Variants in TEAD1 observed in about 807,000 individuals in gnomAD.
TEAD1 encodes TEA domain transcription factor 1, also known as transcriptional enhancer factor TEF-1.
TEAD1 carries 9 observed loss-of-function variants against 54.9 expected under a neutral mutation model. The observed-to-expected ratio is 0.16, with a 90% CI of 0.10 to 0.29. The LOEUF (loss-of-function observed/expected upper bound fraction) is 0.29, where lower values mean the gene tolerates loss of function less well. TEAD1 is among the 10% of genes least tolerant of loss of function. The pLI, the probability that TEAD1 is intolerant of heterozygous loss-of-function variation, is 1.00. For missense variants in TEAD1, 387 were observed against 535.9 expected (o/e 0.72, Z 2.74); for synonymous variants, 200 against 187.8 (o/e 1.07, Z -0.53).
chr11:12,919,663 A>T (rs1470150913), intron 10 of TEAD1, among the ~76,000 whole-genome samples: 1 of 146,602 alleles, frequency 6.8e-6, no homozygotes, highest in Non-Finnish European at 1.5e-5. Context: ...CCGGCTAATT[A>T]AAAAAAAAAA....
intron 3 of TEAD1, among the ~76,000 whole-genome samples, chr11:12,767,124 T>C (rs2133929573): frequency 6.6e-6 from 1 of 152,226 alleles, no homozygotes; most frequent in East Asian, 1.9e-4. Context: ...GACCTGCCTG[T>C]GACTTGGAGG....
intron 3 of TEAD1, 127 bp downstream of exon 3, chr11:12,764,561 T>A: frequency 1.7e-6 from 2 of 1,163,274 alleles, no homozygotes; most frequent in Non-Finnish European, 2.5e-6. Context: ...AGAATTTTAG[T>A]GGGTCATCCA....
At chr11:12,677,395 C>T (rs948598932) in intron 2 of TEAD1, among the ~76,000 whole-genome samples, 2 of 152,074 alleles carry the variant, frequency 1.3e-5, no homozygotes, top group Non-Finnish European at 2.9e-5. Context: ...CTTCCTCCTC[C>T]CTTTCCCATT....
chr11:12,881,970 GA>G lies in TEAD1; in HGVS notation c.574+16del. On this transcript the variant is annotated intron_variant, in intron 8 of 12. Transcript: ENST00000527636. Reference sequence around the variant, plus strand: ...GCCCCCATTCCAGGTGAGTGTCCCTGAAACTCCTTTTTGGGAGCACAGCCCC... The same window carrying G: ...GCCCCCATTCCAGGTGAGTGTCCCTGAACTCCTTTTTGGGAGCACAGCCCC... 2 of 1,613,958 alleles carry G rather than the reference GA, an allele frequency of 1.2e-6. No individual in the cohort carries two copies. Among genetic ancestry groups the G allele is most frequent in the Non-Finnish European group, 1.7e-6 (2 of 1,179,850 alleles).
intron 3 of TEAD1, among the ~76,000 whole-genome samples, chr11:12,837,950 C>T (rs919299580): frequency 4.0e-5 from 6 of 151,878 alleles, no homozygotes; most frequent in Non-Finnish European, 5.9e-5. Context: ...CCTGCCACCA[C>T]GCCCGCTAAT....
rs151236160 is a variant in TEAD1, at chr11:12,860,646, T to C, written c.203-1604T>C. ...TGTGTTATTTCCTCATTCATTCTTT[T>C]CTCTGTGCCCAGCAGTGTGCTAGGT... On this transcript the variant is annotated intron_variant, in intron 3 of 12. Transcript: ENST00000527636. Among the ~76,000 whole-genome samples, 239 of 152,324 alleles carry C rather than the reference T, an allele frequency of 1.6e-3. 1 individual carries two copies. Among genetic ancestry groups the C allele is most frequent in the African/African-American group, 5.2e-3 (218 of 41,578 alleles).
intron 12 of TEAD1, among the ~76,000 whole-genome samples, chr11:12,936,329 A>T (rs1472745436): frequency 6.6e-6 from 1 of 152,184 alleles, no homozygotes; most frequent in Non-Finnish European, 1.5e-5. Flanking sequence ...GGGAAGCATG[A>T]GTATTTCACA....
rs1221554994 is a variant in TEAD1, at chr11:12,944,539, A to G, written c.*7317A>G. 6.6e-6 allele frequency: 1 copy of G among 152,454 alleles called. No individual in the cohort carries two copies. The highest frequency in any genetic ancestry group is 1.5e-5 in the Non-Finnish European group (1 of 68,012). 9.4% of individuals were successfully genotyped at this position (152,454 alleles called of 1,614,324 possible). Reference sequence around the variant, plus strand: ...GGTACATATGTGTGATAACTTTAATACCCATGACAGTTAAGTGCAATTATT... The same window carrying G: ...GGTACATATGTGTGATAACTTTAATGCCCATGACAGTTAAGTGCAATTATT... On this transcript the variant is annotated 3_prime_UTR_variant, in exon 13 of 13. Transcript: ENST00000527636.
intron 2 of TEAD1, among the ~76,000 whole-genome samples, chr11:12,724,326 G>T (rs556813945): frequency 1.3e-5 from 2 of 152,186 alleles, no homozygotes; most frequent in African/African-American, 4.8e-5. Flanking sequence ...ATCGAGGCTC[G>T]ATTTCAATTT....
chr11:12,854,733 A>G (rs1368299773), intron 3 of TEAD1, among the ~76,000 whole-genome samples: 3 of 150,102 alleles, frequency 2.0e-5, no homozygotes, highest in African/African-American at 7.4e-5. Context: ...CTGGGACCAC[A>G]GGCAGGTGCT....
chr11:12,829,766 G>T (rs1053647454), intron 3 of TEAD1, among the ~76,000 whole-genome samples: 1 of 152,226 alleles, frequency 6.6e-6, no homozygotes, highest in Non-Finnish European at 1.5e-5. Flanking sequence ...CAATTGAGCA[G>T]TTGCTGTATC....
intron 10 of TEAD1, among the ~76,000 whole-genome samples, chr11:12,910,837 G>T (rs1589981708): frequency 6.9e-6 from 1 of 145,148 alleles, no homozygotes; most frequent in African/African-American, 2.6e-5. Context: ...ACCTCTGCCT[G>T]TCGGGTTCAA....
intron 3 of TEAD1, among the ~76,000 whole-genome samples, chr11:12,771,421 G>A (rs759484846): frequency 1.3e-4 from 20 of 152,338 alleles, no homozygotes; most frequent in Admixed American, 2.6e-4. Flanking sequence ...GGATGCAGGC[G>A]GTGCTGGTAG....
intron 3 of TEAD1, among the ~76,000 whole-genome samples, chr11:12,840,587 G>C (rs1298458992): frequency 6.6e-6 from 1 of 152,140 alleles, no homozygotes; most frequent in Non-Finnish European, 1.5e-5. Context: ...CCTAGGTCTG[G>C]GGTTCGGCTG....
chr11:12,876,879 C>CT (rs1264224673), intron 5 of TEAD1, among the ~76,000 whole-genome samples: 1 of 152,150 alleles, frequency 6.6e-6, no homozygotes, highest in East Asian at 1.9e-4. Context: ...GGGCTACCCT[C>CT]TGAGGGGATG....
intron 2 of TEAD1, among the ~76,000 whole-genome samples, chr11:12,706,982 T>C (rs1185004106): frequency 6.6e-6 from 1 of 152,194 alleles, no homozygotes; most frequent in Non-Finnish European, 1.5e-5. Flanking sequence ...CTTTTCACCA[T>C]GCTGTTTTAC....
intron 3 of TEAD1, among the ~76,000 whole-genome samples, chr11:12,801,181 G>A (rs969919268): frequency 1.3e-5 from 2 of 152,230 alleles, no homozygotes; most frequent in African/African-American, 2.4e-5. Flanking sequence ...AAGAGTAAGT[G>A]TAGCCTAGAA....
intron 9 of TEAD1, among the ~76,000 whole-genome samples, chr11:12,895,928 T>C (rs1232633657): frequency 6.6e-6 from 1 of 151,984 alleles, no homozygotes; most frequent in Non-Finnish European, 1.5e-5. Flanking sequence ...AAATTTAGTA[T>C]ATGCCCCCCT....
chr11:12,824,065 C>T (rs1946603439), intron 3 of TEAD1, among the ~76,000 whole-genome samples: 1 of 152,164 alleles, frequency 6.6e-6, no homozygotes, highest in Non-Finnish European at 1.5e-5. Context: ...GTTCTGTCTG[C>T]ATTTCCAACT....
Sources: gnomAD v4.1 joint callset for allele counts (sites outside exome capture counted in the v4.1 genomes callset) on GRCh38, gnomAD v4.1.1 for gene constraint, MANE v1.5 for transcripts, NCBI Gene and HGNC (gene_info 2026-07-23, HGNC 2026-07-21) for gene names.